CAPN2: variants seen among roughly 807,000 people sequenced by gnomAD.
CAPN2 encodes the protein calpain 2, also known as calpain-2 catalytic subunit.
CAPN2 carries 92 observed loss-of-function variants against 102.3 expected under a neutral mutation model. The ratio of observed to expected loss-of-function variants is 0.90; its 90% CI spans 0.76 to 1.07. CAPN2 has a LOEUF of 1.07. Among genes scored for constraint, CAPN2 ranks in the 50% least tolerant of loss-of-function variants. CAPN2 has a pLI of 0.00. For synonymous variants in CAPN2, 340 were observed against 355.4 expected, an observed-to-expected ratio of 0.96 and a Z score of 0.49; for missense variants, 800 against 909.4, an observed-to-expected ratio of 0.88 and a Z score of 1.55.
rs1553255729 is a variant in CAPN2 at position 223,758,689 on chromosome 1, C to CT, written c.1318-576dup. The CT allele has an allele frequency of 3.4e-3, 498 of 146,758 alleles. 4 individuals are homozygous for CT. Among genetic ancestry groups the CT allele is most frequent in the Middle Eastern group, 0.021 (6 of 280 alleles). 9.1% of individuals were successfully genotyped at this position (146,758 alleles called of 1,614,324 possible). The stretch of plus-strand genomic sequence containing the variant: ...TTTGTGTTTTTTGGTAGAAAGTTTG[C>CT]TTTTTGTTTTTTTTTTTTTTAAGAC... On this transcript the variant is annotated intron_variant, in intron 11 of 20. Transcript: ENST00000295006.
upstream of CAPN2, among the ~76,000 whole-genome samples, chr1:223,711,031 G>GT (rs1198226174): frequency 6.6e-6 from 1 of 152,110 alleles, no homozygotes; most frequent in African/African-American, 2.4e-5. Flanking sequence ...AATGAGACCT[G>GT]TTTCAGATTT....
In CAPN2 at chr1:223,747,142, T is replaced by C; in HGVS notation, c.706T>C (p.Ser236Pro). 1.2e-6 allele frequency: 2 copies of C among 1,613,712 alleles called. No individual in the cohort carries two copies. Among genetic ancestry groups the C allele is most frequent in the Non-Finnish European group, 1.7e-6 (2 of 1,179,776 alleles). Residue 236 changes from serine (S) to proline (P), a missense_variant, in exon 5 of 21, where the codon TCT becomes CCT. Transcript: ENST00000295006. Reference protein sequence around the residue: ...KIIQKALQKGSLLGCSIDITS... With the variant: ...KIIQKALQKGPLLGCSIDITS... ...CATCCAGAAAGCTCTGCAAAAAGGC[T>C]CTCTCCTTGGCTGCTCCATCGACGT...
intron 1 of CAPN2, among the ~76,000 whole-genome samples, chr1:223,715,576 G>A (rs547929545): frequency 4.9e-4 from 75 of 152,256 alleles, no homozygotes; most frequent in Non-Finnish European, 7.6e-4. Context: ...ACTGGCAAGA[G>A]TGGCTCCAGT....
intron 7 of CAPN2, 41 bp downstream of exon 7, chr1:223,751,016 A>G (rs761654421): frequency 1.1e-5 from 16 of 1,468,492 alleles, no homozygotes; most frequent in African/African-American, 1.4e-5. Flanking sequence ...GCGGGGGTGC[A>G]TTGTGCTGGG....
chr1:223,757,580 A>G, intron 11 of CAPN2, 200 bp downstream of exon 11: 1 of 591,702 alleles, frequency 1.7e-6, no homozygotes, highest in Non-Finnish European at 3.0e-6. Flanking sequence ...GTTTCTGGAA[A>G]GTCCTTGTGG....
intron 2 of CAPN2, among the ~76,000 whole-genome samples, chr1:223,730,462 G>C (rs943757247): frequency 6.6e-6 from 1 of 151,968 alleles, no homozygotes; most frequent in Non-Finnish European, 1.5e-5. Context: ...CCCTGCTATA[G>C]AATGTAGATT....
intron 1 of CAPN2, among the ~76,000 whole-genome samples, chr1:223,715,328 G>C (rs2102772841): frequency 6.6e-6 from 1 of 152,248 alleles, no homozygotes; most frequent in South Asian, 2.1e-4. Flanking sequence ...GAAGAGAGGA[G>C]AACTGATAGG....
intron 2 of CAPN2, among the ~76,000 whole-genome samples, chr1:223,736,106 C>T (rs953764097): frequency 1.3e-5 from 2 of 152,158 alleles, no homozygotes; most frequent in Admixed American, 1.3e-4. Flanking sequence ...CCCAAGTGAC[C>T]AGCACCCCTG....
At chr1:223,718,225 A>G (rs1434893793) in intron 2 of CAPN2, among the ~76,000 whole-genome samples, 2 of 152,242 alleles carry the variant, frequency 1.3e-5, no homozygotes, top group African/African-American at 4.8e-5. Context: ...GCACTGAGAC[A>G]TCAGTTCTGT....
At position 223,759,248 on chromosome 1, in the gene CAPN2, T is replaced by A. The variant is rs757770932; in HGVS notation, c.1318-22T>A. 11 of 1,604,070 alleles carry A rather than the reference T, an allele frequency of 6.9e-6. No homozygotes were observed. The Admixed American group carries it at 1.7e-4, about 24-fold the overall frequency. ...GGAGGCTTCCCCTCATCTACCCCCA[T>A]GTTTCTCTATTTATTCCTCAGTTAA... On this transcript the variant is annotated intron_variant, in intron 11 of 20. Transcript: ENST00000295006. This position sits in a 1 kb window ranked among gnomAD's most constrained non-coding sequence, Gnocchi z 4.6.
In CAPN2 at chr1:223,744,113, G is replaced by A. The variant is rs767371978; in HGVS notation, c.321G>A (p.Leu107=). Residue 107 remains leucine, a synonymous_variant, in exon 3 of 21, where the codon CTG becomes CTA. Transcript: ENST00000295006. ...ICQGALGDCW[L]LAAIASLTLN... ...CTGTGTTCACAGGTGACTGCTGGCTGCTGGCAGCCATTGCCTCCCTCACCT... is the reference window on the plus strand; with the variant it reads ...CTGTGTTCACAGGTGACTGCTGGCTACTGGCAGCCATTGCCTCCCTCACCT... 5 of 1,612,948 alleles carry A rather than the reference G, an allele frequency of 3.1e-6. No individual in the cohort carries two copies. The South Asian group carries it at 5.5e-5, about 18-fold the overall frequency.
At chr1:223,705,004 T>G (rs556678935) in intron 1 of CAPN2, among the ~76,000 whole-genome samples, 1 of 152,070 alleles carries the variant, frequency 6.6e-6, no homozygotes, top group African/African-American at 2.4e-5. Flanking sequence ...AGCCCCTTCC[T>G]GGCAACTCCC....
chr1:223,753,861 C>T (rs1660965822), intron 9 of CAPN2, among the ~76,000 whole-genome samples: 1 of 152,182 alleles, frequency 6.6e-6, no homozygotes, highest in Admixed American at 6.5e-5. Flanking sequence ...ACTTGAGTTC[C>T]ATCCCTAAGA....
intron 16 of CAPN2, among the ~76,000 whole-genome samples, chr1:223,768,463 CTTGT>C (rs1422961331): frequency 3.9e-5 from 6 of 152,018 alleles, no homozygotes; most frequent in African/African-American, 2.4e-5. Context: ...TTCCCCATTG[CTTGT>C]TTTTCTCAGG....
At chr1:223,709,789 A>G (rs745400901), upstream of CAPN2, among the ~76,000 whole-genome samples, 3 of 152,260 alleles carry the variant, frequency 2.0e-5, no homozygotes, top group Non-Finnish European at 2.9e-5. Context: ...GGAATATGCA[A>G]CTAGACAAAA....
chr1:223,763,153 C>T (rs1661230150), intron 14 of CAPN2, among the ~76,000 whole-genome samples: 1 of 151,574 alleles, frequency 6.6e-6, no homozygotes, highest in African/African-American at 2.4e-5. Context: ...ATCCCTCAGC[C>T]ATTTAGTCCC....
intron 6 of CAPN2, 136 bp from the exon 7 acceptor site, chr1:223,750,749 CATGGA>C: frequency 1.4e-6 from 1 of 717,856 alleles, no homozygotes. Flanking sequence ...CTCCCTCATA[CATGGA>C]CTCAACCCCC....
rs1180990691 is a variant in CAPN2, at chr1:223,759,034, ACTG to A, written c.1318-233_1318-231del. On this transcript the variant is annotated intron_variant, in intron 11 of 20. Transcript: ENST00000295006. This position sits in a 1 kb window ranked among gnomAD's most constrained non-coding sequence, Gnocchi z 4.6. ...AAAATGACCCAGGCATTGTCACTGTACTGCTATTTTTTTAAAAAAATTTTGTTG... is the reference window on the plus strand; with the variant it reads ...AAAATGACCCAGGCATTGTCACTGTACTATTTTTTTAAAAAAATTTTGTTG... 3.1e-5 allele frequency: 17 copies of A among 548,704 alleles called. No individual in the cohort carries two copies. The highest frequency in any genetic ancestry group is 4.9e-5 in the Non-Finnish European group (15 of 305,310). The allele number at this position is 548,704 out of a possible 1,614,324, so 34.0% of individuals were successfully genotyped here.
At position 223,743,759 on chromosome 1, in the gene CAPN2, G is replaced by A. The variant is rs1049276101; in HGVS notation, c.308-341G>A. Among the ~76,000 whole-genome samples the A allele has an allele frequency of 1.2e-4, 19 of 152,234 alleles. 1 individual carries two copies. The highest frequency in any genetic ancestry group is 1.0e-3 in the South Asian group (5 of 4,838). Reference sequence around the variant, plus strand: ...GTGGAGCATCTGCTGCGAATCAGGTGCAAGGCTGGGCTCTGAGGGCACAGT... The same window carrying A: ...GTGGAGCATCTGCTGCGAATCAGGTACAAGGCTGGGCTCTGAGGGCACAGT... On this transcript the variant is annotated intron_variant, in intron 2 of 20. Coordinates refer to ENST00000295006, the MANE Select transcript of CAPN2 (RefSeq NM_001748.5).
Sources: gnomAD v4.1 joint callset for allele counts (sites outside exome capture counted in the v4.1 genomes callset) on GRCh38, gnomAD v4.1.1 for gene constraint, Gnocchi (gnomAD v3.1) non-coding constraint, MANE v1.5 for transcripts, NCBI Gene and HGNC (gene_info 2026-07-23, HGNC 2026-07-21) for gene names.